The following STYXL1 variants were observed in gnomAD, a reference collection of about 807,000 sequenced individuals.
The protein encoded by STYXL1 is serine/threonine/tyrosine-interacting-like protein 1.
In STYXL1, 32 loss-of-function variants were observed where a neutral mutation model predicts 36.4. The ratio of observed to expected loss-of-function variants is 0.88; its 90% CI spans 0.66 to 1.18. The LOEUF is 1.18. Among genes scored for constraint, STYXL1 ranks in the 50% most tolerant of loss-of-function variants. STYXL1 has a pLI of 0.00. For synonymous variants in STYXL1, 133 were observed against 144.1 expected, an observed-to-expected ratio of 0.92 and a Z score of 0.55; for missense variants, 354 against 394.1, an observed-to-expected ratio of 0.90 and a Z score of 0.86.
intron 5 of STYXL1, among the ~76,000 whole-genome samples, chr7:76,009,412 TCTTC>T (rs1489514804): frequency 1.3e-5 from 2 of 151,992 alleles, no homozygotes; most frequent in African/African-American, 4.8e-5. Flanking sequence ...AATCTTTCTT[TCTTC>T]TTTTTTCTTT....
intron 8 of STYXL1, chr7:76,000,496 G>A (rs1465813628): frequency 2.2e-6 from 1 of 459,724 alleles, no homozygotes; most frequent in Admixed American, 2.3e-5. Flanking sequence ...ATGGGTCCCT[G>A]CTTCCCTCTC....
At chr7:76,036,981 T>A (rs921411204) in intron 1 of STYXL1, among the ~76,000 whole-genome samples, 2 of 149,240 alleles carry the variant, frequency 1.3e-5, no homozygotes, top group African/African-American at 4.9e-5. Flanking sequence ...AGATGGGTTT[T>A]CACCGTGTTA....
At chr7:76,008,490 T>A (rs894937525) in intron 5 of STYXL1, among the ~76,000 whole-genome samples, 5 of 152,000 alleles carry the variant, frequency 3.3e-5, no homozygotes, top group African/African-American at 1.2e-4. Context: ...CAGTGAACCC[T>A]CTGCAAGCCC....
At chr7:75,997,366 G>A (rs1203108470) in intron 8 of STYXL1, among the ~76,000 whole-genome samples, 5 of 152,128 alleles carry the variant, frequency 3.3e-5, no homozygotes, top group East Asian at 1.9e-4. Flanking sequence ...CCTGGGAGGC[G>A]GAGGTTGCAG....
chr7:76,014,099 C>G (rs1383768456), intron 4 of STYXL1, among the ~76,000 whole-genome samples: 1 of 151,906 alleles, frequency 6.6e-6, no homozygotes, highest in Non-Finnish European at 1.5e-5. Context: ...CTGCCTCAGC[C>G]TCCCAAGTAG....
At chr7:76,022,707 G>C (rs782436593) in intron 3 of STYXL1, among the ~76,000 whole-genome samples, 4 of 151,948 alleles carry the variant, frequency 2.6e-5, no homozygotes, top group Non-Finnish European at 5.9e-5. Flanking sequence ...AAAAAGGACA[G>C]TAAGTAGACA....
intron 8 of STYXL1, among the ~76,000 whole-genome samples, chr7:75,997,477 A>T (rs940342422): frequency 6.6e-5 from 10 of 152,170 alleles, no homozygotes; most frequent in African/African-American, 2.2e-4. Context: ...GATAAAGGCC[A>T]TATATGAGAA....
At chr7:75,999,537 G>A in intron 8 of STYXL1, among the ~76,000 whole-genome samples, 1 of 108,086 alleles carries the variant, frequency 9.3e-6, no homozygotes, top group Non-Finnish European at 1.9e-5. Context: ...GTGTGTGTGT[G>A]TGTGTGTGTG....
chr7:76,013,559 C>T (rs561052450), intron 5 of STYXL1, among the ~76,000 whole-genome samples, 183 bp downstream of exon 5: 16 of 151,122 alleles, frequency 1.1e-4, no homozygotes, highest in East Asian at 4.0e-4. Flanking sequence ...CTAGTAGCTA[C>T]GACTATGGGC....
At chr7:76,016,903 T>C (rs1392517467) in intron 4 of STYXL1, among the ~76,000 whole-genome samples, 1 of 151,990 alleles carries the variant, frequency 6.6e-6, no homozygotes, top group Non-Finnish European at 1.5e-5. Context: ...CAAAAGAAAA[T>C]ATATTGTTAC....
chr7:76,002,282 C>T (rs911599304), intron 7 of STYXL1, among the ~76,000 whole-genome samples: 1 of 152,208 alleles, frequency 6.6e-6, no homozygotes, highest in Admixed American at 6.5e-5. Context: ...GCTCTAATCA[C>T]AGCACCCCTG....
At chr7:76,018,375 TAGCACATGTC>T (rs1431746516) in intron 4 of STYXL1, among the ~76,000 whole-genome samples, 1 of 152,164 alleles carries the variant, frequency 6.6e-6, no homozygotes, top group Non-Finnish European at 1.5e-5. Flanking sequence ...ATCTACATTA[TAGCACATGTC>T]AGTACTTTTA....
intron 1 of STYXL1, among the ~76,000 whole-genome samples, chr7:76,038,321 G>C (rs1796122342): frequency 6.7e-6 from 1 of 149,672 alleles, no homozygotes; most frequent in Non-Finnish European, 1.5e-5. Flanking sequence ...GGTTCTGTGG[G>C]ATGACATGAG....
At chr7:76,032,030 A>G (rs1795393271) in intron 1 of STYXL1, among the ~76,000 whole-genome samples, 1 of 152,122 alleles carries the variant, frequency 6.6e-6, no homozygotes, top group Non-Finnish European at 1.5e-5. Flanking sequence ...GCACTTGGGG[A>G]GGCCTAGGCA....
rs1362566922 is a variant in STYXL1 at position 75,996,602 on chromosome 7, A to G, written c.811-3T>C. The G allele has an allele frequency of 1.7e-5, 28 of 1,614,004 alleles. No homozygotes were observed. The highest frequency in any genetic ancestry group is 2.3e-5 in the Non-Finnish European group (27 of 1,179,866). On this transcript the variant is annotated splice_region_variant and splice_polypyrimidine_tract_variant and intron_variant, in intron 8 of 8. Coordinates refer to ENST00000359697, the MANE Select transcript of STYXL1 (RefSeq NM_001317785.2). Reference sequence around the variant, plus strand: ...TTCTTGACATAGGCCCAGGACCTCTATGAATACAAAGAGAGAAAGTGAACT... The same window carrying G: ...TTCTTGACATAGGCCCAGGACCTCTGTGAATACAAAGAGAGAAAGTGAACT...
At chr7:76,004,000 T>C (rs1191893766) in intron 6 of STYXL1, 145 bp from the exon 7 acceptor site, 1 of 669,864 alleles carries the variant, frequency 1.5e-6, no homozygotes, top group Non-Finnish European at 2.5e-6. Flanking sequence ...CAACCTCTCC[T>C]GGAAAAAAAC....
chr7:76,029,254 T>A (rs920019865), intron 2 of STYXL1, among the ~76,000 whole-genome samples: 3 of 151,974 alleles, frequency 2.0e-5, no homozygotes, highest in Non-Finnish European at 2.9e-5. Flanking sequence ...TCAAGCGATT[T>A]TCCTGCCTCA....
intron 3 of STYXL1, among the ~76,000 whole-genome samples, chr7:76,025,589 A>C (rs1661932310): frequency 6.6e-6 from 1 of 152,086 alleles, no homozygotes; most frequent in South Asian, 2.1e-4. Context: ...CAGGAGTTCA[A>C]GACCAGCCTG....
At chr7:76,028,613 T>C (rs1397488580) in intron 3 of STYXL1, 29 bp downstream of exon 3, 48 of 1,611,266 alleles carry the variant, frequency 3.0e-5, no homozygotes, top group Non-Finnish European at 4.0e-5. Flanking sequence ...GTAGCCAGCC[T>C]GCCCCAGATC....
Sources: gnomAD v4.1 joint callset for allele counts (sites outside exome capture counted in the v4.1 genomes callset) on GRCh38, gnomAD v4.1.1 for gene constraint, MANE v1.5 for transcripts, NCBI Gene and HGNC (gene_info 2026-07-23, HGNC 2026-07-21) for gene names.